RNLS: variants seen among roughly 807,000 people sequenced by gnomAD.
The protein encoded by RNLS is renalase.
A neutral mutation model predicts 39.8 loss-of-function variants in RNLS; 39 were observed. The observed-to-expected ratio is 0.98, with a 90% CI of 0.76 to 1.28. The LOEUF is 1.28. Ranked by LOEUF, RNLS falls within the 50% of genes most tolerant of loss-of-function variation. RNLS has a pLI of 0.00. For missense variants in RNLS, 410 were observed against 413.3 expected, an observed-to-expected ratio of 0.99 and a Z score of 0.07; for synonymous variants, 147 against 150.7, an observed-to-expected ratio of 0.98 and a Z score of 0.18.
chr10:88,512,817 C>A (rs1400676041), intron 4 of RNLS, among the ~76,000 whole-genome samples: 1 of 152,172 alleles, frequency 6.6e-6, no homozygotes, highest in Non-Finnish European at 1.5e-5. Context: ...TGCCACACTC[C>A]TCTCATTACT....
intron 4 of RNLS, among the ~76,000 whole-genome samples, chr10:88,530,754 T>C (rs1244890144): frequency 6.6e-6 from 1 of 152,170 alleles, no homozygotes; most frequent in Non-Finnish European, 1.5e-5. Context: ...GATAATCCAT[T>C]ATTATTTTTA....
chr10:88,419,969 C>T (rs1854296182), intron 4 of RNLS, among the ~76,000 whole-genome samples: 2 of 150,834 alleles, frequency 1.3e-5, no homozygotes, highest in Admixed American at 6.6e-5. Context: ...GAGGTCATGC[C>T]CTTGCACTCC....
At chr10:88,218,163 G>A in the RNLS span, among the ~76,000 whole-genome samples, 23 of 152,342 alleles carry the variant, frequency 1.5e-4, no homozygotes, top group South Asian at 2.3e-3. Flanking sequence ...GGGTGCCCGC[G>A]CACTATGGTG....
chr10:88,256,149 C>T, the RNLS span, among the ~76,000 whole-genome samples: 1 of 152,138 alleles, frequency 6.6e-6, no homozygotes, highest in Non-Finnish European at 1.5e-5. Flanking sequence ...TTTCCCTTCT[C>T]GATATTGATC....
At chr10:88,447,493 T>C (rs1272512027) in intron 4 of RNLS, among the ~76,000 whole-genome samples, 1 of 152,070 alleles carries the variant, frequency 6.6e-6, no homozygotes, top group Admixed American at 6.6e-5. Flanking sequence ...AAACCACTGC[T>C]CAACGAAATA....
chr10:88,327,612 T>A (rs1399815923), intron 5 of RNLS, among the ~76,000 whole-genome samples: 1 of 152,244 alleles, frequency 6.6e-6, no homozygotes, highest in Non-Finnish European at 1.5e-5. Context: ...AAGTTCATTA[T>A]AGCAGAGTGA....
chr10:88,578,269 T>G (rs1182846136), intron 3 of RNLS, among the ~76,000 whole-genome samples: 1 of 152,086 alleles, frequency 6.6e-6, no homozygotes, highest in Non-Finnish European at 1.5e-5. Context: ...GCTCATTTTT[T>G]TCAATGAAAG....
intron 4 of RNLS, among the ~76,000 whole-genome samples, chr10:88,509,644 A>G (rs1415393718): frequency 6.6e-6 from 1 of 151,952 alleles, no homozygotes; most frequent in Non-Finnish European, 1.5e-5. Context: ...AAAAAATGAA[A>G]GATTAGGAGA....
the RNLS span, among the ~76,000 whole-genome samples, chr10:88,199,204 G>C: frequency 6.6e-6 from 1 of 152,138 alleles, no homozygotes; most frequent in Non-Finnish European, 1.5e-5. Flanking sequence ...GTGGAAGCCT[G>C]AACTAGTGGG....
At chr10:88,333,359 G>C (rs114924755) in intron 5 of RNLS, among the ~76,000 whole-genome samples, 216 of 152,212 alleles carry the variant, frequency 1.4e-3, no homozygotes, top group African/African-American at 5.1e-3. Context: ...TAAAAGTACT[G>C]CTTTGGTATC....
chr10:88,280,013 C>T (rs1408531245), downstream of RNLS, among the ~76,000 whole-genome samples: 3 of 152,114 alleles, frequency 2.0e-5, no homozygotes, highest in Non-Finnish European at 2.9e-5. Flanking sequence ...CTCTCCTTAT[C>T]ATCAATTCTC....
intron 5 of RNLS, among the ~76,000 whole-genome samples, chr10:88,327,178 C>T (rs1391694357): frequency 6.6e-6 from 1 of 152,074 alleles, no homozygotes; most frequent in Non-Finnish European, 1.5e-5. Flanking sequence ...TTAGTTAGGA[C>T]TTTGGCAGAC....
chr10:88,436,139 G>A (rs1460626191), intron 4 of RNLS, among the ~76,000 whole-genome samples: 1 of 152,138 alleles, frequency 6.6e-6, no homozygotes, highest in African/African-American at 2.4e-5. Context: ...AGGGACATGG[G>A]AAAGTAAAGA....
At chr10:88,460,657 C>T (rs987007946) in intron 4 of RNLS, among the ~76,000 whole-genome samples, 17 of 152,218 alleles carry the variant, frequency 1.1e-4, no homozygotes, top group African/African-American at 3.6e-4. Context: ...TATAGTGCTA[C>T]CCCCAAATAC....
chr10:88,203,456 G>GTATATATATATATA, the RNLS span, among the ~76,000 whole-genome samples: 10 of 1,204 alleles, frequency 8.3e-3, no homozygotes, highest in African/African-American at 0.045. Context: ...GTGTGTGTGT[G>GTATATATATATATA]TATATATATA....
At chr10:88,225,793 GT>G in the RNLS span, among the ~76,000 whole-genome samples, 30 of 152,204 alleles carry the variant, frequency 2.0e-4, no homozygotes, top group East Asian at 1.2e-3. Flanking sequence ...TAAGTAACTA[GT>G]TATTTAATTA....
chr10:88,209,725 C>G, the RNLS span, among the ~76,000 whole-genome samples: 4 of 152,144 alleles, frequency 2.6e-5, no homozygotes, highest in African/African-American at 9.7e-5. Context: ...CTATGATTAA[C>G]CCAACAAGAC....
intron 4 of RNLS, among the ~76,000 whole-genome samples, chr10:88,409,486 T>C (rs1853521043): frequency 6.6e-6 from 1 of 152,166 alleles, no homozygotes; most frequent in Non-Finnish European, 1.5e-5. Flanking sequence ...CTGTGAGTCA[T>C]GAGAGTCTCT....
chr10:88,204,661 C>T, the RNLS span, among the ~76,000 whole-genome samples: 1 of 152,150 alleles, frequency 6.6e-6, no homozygotes, highest in Non-Finnish European at 1.5e-5. Flanking sequence ...TTATTATCTT[C>T]TCCCCGTACA....
Sources: gnomAD v4.1 joint callset for allele counts (sites outside exome capture counted in the v4.1 genomes callset) on GRCh38, gnomAD v4.1.1 for gene constraint, MANE v1.5 for transcripts, NCBI Gene and HGNC (gene_info 2026-07-23, HGNC 2026-07-21) for gene names.